PPP4R3A: variants seen among roughly 807,000 people sequenced by gnomAD.
PPP4R3A encodes protein phosphatase 4 regulatory subunit 3A, also known as serine/threonine-protein phosphatase 4 regulatory subunit 3A.
A neutral mutation model predicts 91.7 loss-of-function variants in PPP4R3A; 15 were observed. That is an observed-to-expected ratio of 0.16 (90% CI 0.11 to 0.25). PPP4R3A has a LOEUF of 0.25. Among genes scored for constraint, PPP4R3A ranks in the 10% least tolerant of loss-of-function variants. The pLI is 1.00. For missense variants in PPP4R3A, 623 were observed against 998.4 expected (o/e 0.62, Z 5.07); for synonymous variants, 377 against 348.7 (o/e 1.08, Z -0.91).
At chr14:91,484,814 G>A (rs1345575705) in intron 3 of PPP4R3A, among the ~76,000 whole-genome samples, 2 of 152,160 alleles carry the variant, frequency 1.3e-5, no homozygotes, top group Non-Finnish European at 2.9e-5. Context: ...CATGGAGATG[G>A]AGAAACCTTC....
chr14:91,506,240 C>T (rs1891286441), intron 1 of PPP4R3A, among the ~76,000 whole-genome samples: 1 of 152,212 alleles, frequency 6.6e-6, no homozygotes, highest in African/African-American at 2.4e-5. Context: ...AGCCATTGTG[C>T]CCGGCCGAAA....
intron 1 of PPP4R3A, among the ~76,000 whole-genome samples, chr14:91,501,211 AG>A (rs1566655520): frequency 6.6e-6 from 1 of 152,174 alleles, no homozygotes; most frequent in African/African-American, 2.4e-5. Context: ...CTCAGGTAGC[AG>A]GGAAGTAATA....
At chr14:91,464,479 G>A (rs947092870) in intron 11 of PPP4R3A, among the ~76,000 whole-genome samples, 1 of 152,072 alleles carries the variant, frequency 6.6e-6, no homozygotes, top group South Asian at 2.1e-4. Context: ...AAAAAAGCAC[G>A]ACATCCAGGT....
intron 4 of PPP4R3A, among the ~76,000 whole-genome samples, chr14:91,479,651 C>A (rs1191194929): frequency 6.6e-6 from 1 of 152,112 alleles, no homozygotes; most frequent in African/African-American, 2.4e-5. Context: ...TCAAATGATT[C>A]TCTCGTCTCA....
chr14:91,491,352 T>C (rs952115255), intron 1 of PPP4R3A, among the ~76,000 whole-genome samples: 1 of 149,440 alleles, frequency 6.7e-6, no homozygotes, highest in Admixed American at 6.7e-5. Flanking sequence ...TGCAAGCCAC[T>C]GTGCCCGACC....
At chr14:91,507,420 A>T (rs10137129) in intron 1 of PPP4R3A, among the ~76,000 whole-genome samples, 14,835 of 74,086 alleles carry the variant, frequency 0.2, 3,240 homozygotes, top group Non-Finnish European at 0.25. Flanking sequence ...ATACTATATA[A>T]TATATATACT....
rs1891707799 is a variant in PPP4R3A at position 91,510,180 on chromosome 14, G to C, written c.-533C>G. The C allele has an allele frequency of 6.4e-6, 1 of 155,440 alleles. No individual in the cohort carries two copies. The highest frequency in any genetic ancestry group is 2.4e-5 in the African/African-American group (1 of 41,480). 9.6% of individuals were successfully genotyped at this position (155,440 alleles called of 1,614,324 possible). On this transcript the variant is annotated 5_prime_UTR_variant, in exon 1 of 15. Coordinates refer to ENST00000554943, the MANE Select transcript of PPP4R3A (RefSeq NM_001366432.2). The stretch of plus-strand genomic sequence containing the variant: ...CTGCAACTGCTACCACTGCCCGGGA[G>C]ACTCTGAGGGCCCCCGGCCGCCCAA...
intron 1 of PPP4R3A, among the ~76,000 whole-genome samples, chr14:91,495,476 T>C (rs530724582): frequency 2.6e-5 from 4 of 151,894 alleles, no homozygotes; most frequent in Non-Finnish European, 4.4e-5. Flanking sequence ...CCAGTCCAGA[T>C]AGGTAAATTT....
chr14:91,506,078 T>A (rs1891274295), intron 1 of PPP4R3A, among the ~76,000 whole-genome samples: 2 of 152,160 alleles, frequency 1.3e-5, no homozygotes, highest in Admixed American at 1.3e-4. Context: ...CCTGAGCAGC[T>A]GGGACTACAG....
intron 7 of PPP4R3A, among the ~76,000 whole-genome samples, chr14:91,473,873 G>A (rs10150149): frequency 0.018 from 2,759 of 152,254 alleles, 81 homozygotes; most frequent in African/African-American, 0.062. Context: ...GGGTTCAAGC[G>A]ATTCTCCTGC....
At chr14:91,496,522 A>G (rs1890580983) in intron 1 of PPP4R3A, among the ~76,000 whole-genome samples, 1 of 152,170 alleles carries the variant, frequency 6.6e-6, no homozygotes, top group African/African-American at 2.4e-5. Context: ...AAACTCTCTT[A>G]GTAGTGTTTA....
chr14:91,468,403 TG>T (rs1389155000), intron 10 of PPP4R3A, among the ~76,000 whole-genome samples: 3 of 152,146 alleles, frequency 2.0e-5, no homozygotes, highest in Non-Finnish European at 4.4e-5. Flanking sequence ...CTGGGCGCCA[TG>T]GCTCACGCCT....
chr14:91,487,110 C>T lies in PPP4R3A; in HGVS notation c.199-1380G>A, dbSNP rs138618291. On this transcript the variant is annotated intron_variant, in intron 2 of 14. Coordinates refer to ENST00000554943, the MANE Select transcript of PPP4R3A (RefSeq NM_001366432.2). ...AAAATACAAAAAAATTTTAGCCGGG[C>T]ATGATGGCGGATGCCTGTAATCCCA... Among the ~76,000 whole-genome samples the T allele has an allele frequency of 8.6e-5, 13 of 151,524 alleles. 1 individual carries two copies. In the East Asian group the frequency reaches 2.5e-3, roughly 30 times the overall value.
intron 1 of PPP4R3A, among the ~76,000 whole-genome samples, chr14:91,492,069 T>C (rs1453831695): frequency 6.6e-6 from 1 of 152,184 alleles, no homozygotes; most frequent in Non-Finnish European, 1.5e-5. Flanking sequence ...GAGTAAGGAC[T>C]GGGTAACAAT....
chr14:91,509,790 G>A lies in PPP4R3A; in HGVS notation c.-143C>T, dbSNP rs933155107. 80 of 1,248,884 alleles carry A rather than the reference G, an allele frequency of 6.4e-5. No individual in the cohort carries two copies. The highest frequency in any genetic ancestry group is 7.8e-5 in the Non-Finnish European group (78 of 1,000,880). The allele number at this position is 1,248,884 out of a possible 1,614,324, so 77.4% of individuals were successfully genotyped here. On this transcript the variant is annotated 5_prime_UTR_variant, in exon 1 of 15. Coordinates refer to ENST00000554943, the MANE Select transcript of PPP4R3A (RefSeq NM_001366432.2). ...TGCCGCCGCTGGGCGCCGCGGGGCC[G>A]CGCCGCCGCCTGCATGGCCCGCTCC... is the stretch of plus-strand genomic sequence containing the variant.
At chr14:91,484,942 T>G (rs979653090) in intron 3 of PPP4R3A, among the ~76,000 whole-genome samples, 1 of 151,960 alleles carries the variant, frequency 6.6e-6, no homozygotes, top group Non-Finnish European at 1.5e-5. Flanking sequence ...AACTCCAGAA[T>G]AAATTAAGAA....
At chr14:91,461,229 A>G (rs1014183253) in intron 14 of PPP4R3A, 152 bp downstream of exon 14, 8 of 668,474 alleles carry the variant, frequency 1.2e-5, no homozygotes, top group African/African-American at 7.3e-5. Context: ...CAACCTTTAT[A>G]TAAGTTCAAG....
In PPP4R3A at chr14:91,475,803, A is replaced by G. The variant is rs1889168642; in HGVS notation, c.1266+8T>C. On this transcript the variant is annotated splice_region_variant and intron_variant, in intron 7 of 14. Coordinates refer to ENST00000554943, the MANE Select transcript of PPP4R3A (RefSeq NM_001366432.2). ...TAAATACTTACTATTAGTACAAATA[A>G]TATTTACCTTGCTGGTTATTTTTTG... The G allele has an allele frequency of 1.2e-6, 2 of 1,609,878 alleles. No homozygotes were observed. Among genetic ancestry groups the G allele is most frequent in the African/African-American group, 2.7e-5 (2 of 74,816 alleles).
intron 3 of PPP4R3A, among the ~76,000 whole-genome samples, chr14:91,484,622 A>G (rs1889777238): frequency 6.6e-6 from 1 of 152,224 alleles, no homozygotes; most frequent in Admixed American, 6.5e-5. Flanking sequence ...AGGATTTTAA[A>G]AAACAATTAT....
Sources: gnomAD v4.1 joint callset for allele counts (sites outside exome capture counted in the v4.1 genomes callset) on GRCh38, gnomAD v4.1.1 for gene constraint, MANE v1.5 for transcripts, NCBI Gene and HGNC (gene_info 2026-07-23, HGNC 2026-07-21) for gene names.